Variants in S100A6 observed in about 807,000 individuals in gnomAD.
S100A6 encodes protein S100-A6.
S100A6 carries 3 observed loss-of-function variants against 3.5 expected under a neutral mutation model. The ratio of observed to expected loss-of-function variants is 0.87; its 90% CI spans 0.39 to 2.24. S100A6 has a LOEUF of 2.24. Among genes scored for constraint, S100A6 ranks in the 30% most tolerant of loss-of-function variants. The pLI, the probability that S100A6 is intolerant of heterozygous loss-of-function variation, is 0.05. For synonymous variants in S100A6, 48 were observed against 45.2 expected, an observed-to-expected ratio of 1.06 and a Z score of -0.25; for missense variants, 114 against 105.3, an observed-to-expected ratio of 1.08 and a Z score of -0.36.
chr1:153,534,755 C>T lies in S100A6; in HGVS notation c.214G>A (p.Glu72Lys). 2 of 1,614,044 alleles carry T rather than the reference C, an allele frequency of 1.2e-6. No homozygotes were observed. The highest frequency in any genetic ancestry group is 1.7e-6 in the Non-Finnish European group (2 of 1,179,956). The change falls in exon 3 of 3, where the codon GAG becomes AAG. Residue 72 changes from glutamate (E) to lysine (K), a missense_variant. Coordinates refer to ENST00000368719, the MANE Select transcript of S100A6 (RefSeq NM_014624.4). ...AAGGCCCCCAGGAAGGTGACATACT[C>T]CTGGAAGTTCACCTCCTGGTCCTTG... ...RNKDQEVNFQ[E>K]YVTFLGALAL...
At chr1:153,535,142 C>T (rs1665144571) in intron 2 of S100A6, 60 bp downstream of exon 2, 1 of 1,606,868 alleles carries the variant, frequency 6.2e-7, no homozygotes, top group Non-Finnish European at 8.5e-7. Context: ...TCTCTCTCCC[C>T]TAATCCTGCT....
In S100A6 at chr1:153,534,728, C is replaced by A; in HGVS notation, c.241G>T (p.Ala81Ser). 2 of 1,613,314 alleles carry A rather than the reference C, an allele frequency of 1.2e-6. No homozygotes were observed. Among genetic ancestry groups the A allele is most frequent in the Non-Finnish European group, 1.7e-6 (2 of 1,179,658 alleles). ...QEYVTFLGAL[A>S]LIYNEALKG is the part of the protein sequence containing the mutation. ...TTGAGGGCTTCATTGTAGATCAAAG[C>A]CAAGGCCCCCAGGAAGGTGACATAC... Residue 81 changes from alanine (A) to serine (S), a missense_variant, in exon 3 of 3, where the codon GCT becomes TCT. Coordinates refer to ENST00000368719, the MANE Select transcript of S100A6 (RefSeq NM_014624.4).
In S100A6 at chr1:153,535,123, C is replaced by A. The variant is rs148150666; in HGVS notation, c.138+79G>T. 1,813 of 1,579,306 alleles carry A rather than the reference C, an allele frequency of 1.1e-3. 10 individuals are homozygous for A. The Middle Eastern group carries it at 0.014, about 13-fold the overall frequency. On this transcript the variant is annotated intron_variant, in intron 2 of 2. Coordinates refer to ENST00000368719, the MANE Select transcript of S100A6 (RefSeq NM_014624.4). ...TGTGGGTAAATGTGAGTCAGATGCA[C>A]CTGGCACCTCTCTCTCCCCTAATCC...
chr1:153,535,123 C>T (rs148150666), intron 2 of S100A6, 79 bp downstream of exon 2: 6 of 1,579,200 alleles, frequency 3.8e-6, no homozygotes, highest in Non-Finnish European at 5.2e-6. Flanking sequence ...GTCAGATGCA[C>T]CTGGCACCTC....
rs1169920704 is a variant in S100A6 at position 153,534,741 on chromosome 1, G to A, written c.228C>T (p.Phe76=). 1.2e-6 allele frequency: 2 copies of A among 1,613,826 alleles called. No homozygotes were observed. Among genetic ancestry groups the A allele is most frequent in the East Asian group, 2.2e-5 (1 of 44,864 alleles). Residue 76 remains phenylalanine, a synonymous_variant, in exon 3 of 3, where the codon TTC becomes TTT. Coordinates refer to ENST00000368719, the MANE Select transcript of S100A6 (RefSeq NM_014624.4). ...QEVNFQEYVT[F]LGALALIYNE... is the part of the protein sequence containing the mutation. ...TGTAGATCAAAGCCAAGGCCCCCAG[G>A]AAGGTGACATACTCCTGGAAGTTCA...
At chr1:153,535,481 A>C in intron 1 of S100A6, 121 bp from the exon 2 acceptor site, 8 of 1,072,676 alleles carry the variant, frequency 7.5e-6, no homozygotes, top group Non-Finnish European at 7.9e-6. Context: ...GCCACACACA[A>C]TGGCATCAGG....
chr1:153,534,609 C>CA lies in S100A6; in HGVS notation c.*86dup, dbSNP rs1189306615. On this transcript the variant is annotated 3_prime_UTR_variant, in exon 3 of 3. Coordinates refer to ENST00000368719, the MANE Select transcript of S100A6 (RefSeq NM_014624.4). ...GCCAGGACGCAAGGGTAAATTTGAC[C>CA]AAAAAAAATTTATTGTACAATTACC... 59 of 1,409,032 alleles carry CA rather than the reference C, an allele frequency of 4.2e-5. No homozygotes were observed. Among genetic ancestry groups the CA allele is most frequent in the African/African-American group, 1.9e-4 (13 of 67,708 alleles). The allele number at this position is 1,409,032 out of a possible 1,614,324, so 87.3% of individuals were successfully genotyped here.
chr1:153,535,274 C>A lies in S100A6; in HGVS notation c.66G>T (p.Arg22Ser). ...TGCTCAGGGTGTGCTTGTCACCCTC[C>A]CTGCCGGAGTACTTGTGGAAGATGG... ...LVAIFHKYSG[R>S]EGDKHTLSKK... Residue 22 changes from arginine to serine, a missense_variant, in exon 2 of 3, where the codon AGG becomes AGT. Coordinates refer to ENST00000368719, the MANE Select transcript of S100A6 (RefSeq NM_014624.4). 6.2e-7 allele frequency: 1 copy of A among 1,614,182 alleles called. No homozygotes were observed. Among genetic ancestry groups the A allele is most frequent in the South Asian group, 1.1e-5 (1 of 91,080 alleles).
At chr1:153,534,968 G>T in intron 2 of S100A6, 138 bp from the exon 3 acceptor site, 2 of 1,221,578 alleles carry the variant, frequency 1.6e-6, no homozygotes, top group Non-Finnish European at 1.1e-6. Flanking sequence ...CTTTGGCATT[G>T]CTTCTCCTCA....
In S100A6 at chr1:153,535,329, G is replaced by A. The variant is rs1665151283; in HGVS notation, c.11C>T (p.Pro4Leu). ...GAGGAGGCCAATGGCCTGATCCAGG[G>A]GGCATGCCATGGCTGAGGGCTGGGC... The part of the protein sequence containing the change: MAC[P>L]LDQAIGLLVA... Residue 4 changes from proline (P) to leucine (L), a missense_variant, in exon 2 of 3, where the codon CCC (proline) becomes CTC (leucine). By Grantham distance (98) the Pro-to-Leu change is moderately conservative. Coordinates refer to ENST00000368719, the MANE Select transcript of S100A6 (RefSeq NM_014624.4). The A allele has an allele frequency of 6.2e-7, 1 of 1,613,962 alleles. No individual in the cohort carries two copies. Among genetic ancestry groups the A allele is most frequent in the Non-Finnish European group, 8.5e-7 (1 of 1,180,022 alleles).
intron 2 of S100A6, 56 bp from the exon 3 acceptor site, chr1:153,534,886 TC>T: frequency 7.6e-6 from 12 of 1,568,898 alleles, no homozygotes; most frequent in Non-Finnish European, 1.0e-5. Flanking sequence ...CCTGGATTCT[TC>T]CCCTTCCCCC....
intron 1 of S100A6, 97 bp from the exon 2 acceptor site, chr1:153,535,457 C>T: frequency 7.6e-7 from 1 of 1,320,960 alleles, no homozygotes; most frequent in Non-Finnish European, 1.0e-6. Flanking sequence ...TCCTTTGGAA[C>T]CACCCAGTCT....
At position 153,535,217 on chromosome 1, in the gene S100A6, C is replaced by CTCCT; in HGVS notation, c.119_122dup (p.Leu42GlyfsTer12). On this transcript the variant is annotated frameshift_variant, in exon 2 of 3. Coordinates refer to ENST00000368719, the MANE Select transcript of S100A6 (RefSeq NM_014624.4). LOFTEE classifies it low-confidence loss of function (END_TRUNC). ...GGCCACTCACCGAGCCAATGGTGAG[C>CTCCT]TCCTTCTGGATCAGCTCCTTCAGCT... 6.2e-7 allele frequency: 1 copy of CTCCT among 1,614,144 alleles called. No individual in the cohort carries two copies. Among genetic ancestry groups the CTCCT allele is most frequent in the South Asian group, 1.1e-5 (1 of 91,084 alleles).
At chr1:153,535,483 G>T in intron 1 of S100A6, 123 bp from the exon 2 acceptor site, 2 of 1,041,330 alleles carry the variant, frequency 1.9e-6, no homozygotes, top group East Asian at 2.6e-5. Context: ...CACACACAAT[G>T]GCATCAGGAG....
At chr1:153,535,495 C>T (rs1665158921) in intron 1 of S100A6, 135 bp from the exon 2 acceptor site, 3 of 922,608 alleles carry the variant, frequency 3.3e-6, no homozygotes, top group Middle Eastern at 3.5e-4. Flanking sequence ...CATCAGGAGA[C>T]AGCCCAGGGC....
chr1:153,535,880 GA>G (rs1665167658), intron 1 of S100A6, 68 bp downstream of exon 1: 1 of 153,258 alleles, frequency 6.5e-6, no homozygotes, highest in Non-Finnish European at 1.5e-5. Context: ...CTGGGCAGGG[GA>G]TGGCTGGACC....
At chr1:153,534,974 C>T in intron 2 of S100A6, 144 bp from the exon 3 acceptor site, 2 of 1,184,428 alleles carry the variant, frequency 1.7e-6, no homozygotes, top group South Asian at 1.5e-5. Flanking sequence ...CATTGCTTCT[C>T]CTCAGCTACT....
chr1:153,535,062 C>T, intron 2 of S100A6, 140 bp downstream of exon 2: 1 of 1,264,418 alleles, frequency 7.9e-7, no homozygotes. Context: ...AGTGGGTCTA[C>T]AGCTCAGGGT....
rs1431467414 is a variant in S100A6, at chr1:153,534,809, C to A, written c.160G>T (p.Ala54Ser). ...CGGTCCAAGTCTTCCATCAGCCTTGCAATTTCAGCATCCTGCAGCTTCTAA... is the reference window on the plus strand; with the variant it reads ...CGGTCCAAGTCTTCCATCAGCCTTGAAATTTCAGCATCCTGCAGCTTCTAA... ...IGSKLQDAEI[A>S]RLMEDLDRNK... The change falls in exon 3 of 3, where the codon GCA (alanine) becomes TCA (serine). Residue 54 changes from alanine to serine, a missense_variant. By Grantham distance (99) the Ala-to-Ser change is moderately conservative (BLOSUM62 1). Transcript: ENST00000368719. 1 of 1,613,334 alleles carries A rather than the reference C, an allele frequency of 6.2e-7. No homozygotes were observed. Among genetic ancestry groups the A allele is most frequent in the African/African-American group, 1.3e-5 (1 of 74,894 alleles).
Sources: allele counts gnomAD v4.1 joint callset, GRCh38; gene constraint gnomAD v4.1.1; transcripts MANE v1.5; gene names NCBI Gene and HGNC (gene_info 2026-07-23, HGNC 2026-07-21).